CELF2: variants seen among roughly 807,000 people sequenced by gnomAD.
CELF2 encodes the protein CUGBP Elav-like family member 2, also known as CUG triplet repeat RNA-binding protein 2.
Under a neutral mutation model 62.6 loss-of-function variants are expected in CELF2, and 8 were observed. That is an observed-to-expected ratio of 0.13 (90% confidence interval 0.07 to 0.23). The LOEUF is 0.23. Among genes scored for constraint, CELF2 ranks in the 10% least tolerant of loss-of-function variants. The probability of loss-of-function intolerance (pLI) is 1.00; values close to 1 mark genes in which losing one functional copy is unlikely to be tolerated. For missense variants in CELF2, 333 were observed against 671.0 expected, an observed-to-expected ratio of 0.50 and a Z score of 5.56; for synonymous variants, 258 against 250.0, an observed-to-expected ratio of 1.03 and a Z score of -0.30.
chr10:10,846,860 A>G (rs570614484), intron 1 of CELF2, among the ~76,000 whole-genome samples: 241 of 152,316 alleles, frequency 1.6e-3, no homozygotes, highest in African/African-American at 5.4e-3. Context: ...ATACCAATCT[A>G]TTGTACATGC....
intron 1 of CELF2, among the ~76,000 whole-genome samples, chr10:11,107,337 T>C (rs2053781817): frequency 6.6e-6 from 1 of 152,150 alleles, no homozygotes; most frequent in Non-Finnish European, 1.5e-5. Flanking sequence ...AGAACTGGAT[T>C]CCAGATGTGT....
intron 2 of CELF2, among the ~76,000 whole-genome samples, chr10:11,197,053 G>GAAAGAAGGAAAGA (rs2058037209): frequency 1.7e-5 from 1 of 57,168 alleles, no homozygotes; most frequent in African/African-American, 8.3e-5. Flanking sequence ...AAGAAAGAAA[G>GAAAGAAGGAAAGA]AAAGAAAAGA....
At chr10:10,730,196 G>T in the CELF2 span, among the ~76,000 whole-genome samples, 1 of 152,132 alleles carries the variant, frequency 6.6e-6, no homozygotes, top group Non-Finnish European at 1.5e-5. Flanking sequence ...GGATCTTTTG[G>T]CTGGGCACAG....
chr10:10,720,990 A>T, the CELF2 span, among the ~76,000 whole-genome samples: 5 of 152,384 alleles, frequency 3.3e-5, no homozygotes, highest in East Asian at 9.6e-4. Context: ...TCTGCCTAGT[A>T]ACACAGATTA....
At chr10:11,282,744 G>T (rs1406079253) in intron 8 of CELF2, among the ~76,000 whole-genome samples, 1 of 152,200 alleles carries the variant, frequency 6.6e-6, no homozygotes. Flanking sequence ...CAGGTAACAG[G>T]CTGCCAGTAA....
chr10:10,608,466 A>T, the CELF2 span, among the ~76,000 whole-genome samples: 1 of 152,336 alleles, frequency 6.6e-6, no homozygotes, highest in East Asian at 1.9e-4. Context: ...TCAAGATTAG[A>T]TGCTGCAGAT....
At chr10:10,672,458 T>G in the CELF2 span, among the ~76,000 whole-genome samples, 3 of 151,916 alleles carry the variant, frequency 2.0e-5, no homozygotes, top group Admixed American at 2.0e-4. Flanking sequence ...GAGTTTTTTC[T>G]GTGAAGGGTA....
chr10:10,751,845 G>A, the CELF2 span, among the ~76,000 whole-genome samples: 1 of 152,126 alleles, frequency 6.6e-6, no homozygotes, highest in African/African-American at 2.4e-5. Flanking sequence ...TTTTAATTGA[G>A]AAATTAAACA....
chr10:11,319,050 C>A lies in CELF2; in HGVS notation c.1097-2139C>A, dbSNP rs759120119. The A allele has an allele frequency of 1.6e-4, 73 of 470,648 alleles. No homozygotes were observed. Among genetic ancestry groups the A allele is most frequent in the Admixed American group, 4.5e-4 (19 of 42,566 alleles). The allele number at this position is 470,648 out of a possible 1,614,324, so 29.2% of individuals were successfully genotyped here. On this transcript the variant is annotated intron_variant, in intron 10 of 12. Transcript: ENST00000633077. This position sits in a 1 kb window ranked among gnomAD's most constrained non-coding sequence, Gnocchi z 4.4. The stretch of plus-strand genomic sequence containing the variant: ...GGCAGCAAGGCCCCACATGGCTCTG[C>A]AGGCTGCGAGGCACACCCAGAACCT...
chr10:10,864,630 CTCT>C (rs2060244061), intron 1 of CELF2, among the ~76,000 whole-genome samples: 2 of 152,180 alleles, frequency 1.3e-5, no homozygotes, highest in South Asian at 4.1e-4. Context: ...GCTCAGGTCT[CTCT>C]TCTTATAAGG....
chr10:10,759,635 C>G, the CELF2 span, among the ~76,000 whole-genome samples: 20 of 152,136 alleles, frequency 1.3e-4, no homozygotes, highest in African/African-American at 4.6e-4. Context: ...AATCAGCCAA[C>G]CATGGCTCAC....
At chr10:11,292,395 A>G (rs539883121) in intron 9 of CELF2, among the ~76,000 whole-genome samples, 91 of 152,342 alleles carry the variant, frequency 6.0e-4, no homozygotes, top group African/African-American at 2.1e-3. Context: ...GGAAATGAGA[A>G]TTCACCCTTG....
At chr10:11,149,473 G>A (rs1050014017) in intron 1 of CELF2, among the ~76,000 whole-genome samples, 5 of 152,184 alleles carry the variant, frequency 3.3e-5, no homozygotes, top group Admixed American at 6.5e-5. Context: ...TGTCATCTAG[G>A]TGAAAATTCC....
chr10:10,734,014 T>C, the CELF2 span, among the ~76,000 whole-genome samples: 2 of 152,144 alleles, frequency 1.3e-5, no homozygotes, highest in African/African-American at 4.8e-5. Context: ...AAAACCTCAA[T>C]AATCCTTAAA....
chr10:11,183,142 C>T (rs763436550), intron 2 of CELF2, among the ~76,000 whole-genome samples: 24 of 152,156 alleles, frequency 1.6e-4, no homozygotes, highest in Non-Finnish European at 3.2e-4. Context: ...TCCTGGCTGC[C>T]CCATGCCTCA....
chr10:11,168,687 C>G (rs752409489), intron 2 of CELF2, among the ~76,000 whole-genome samples: 1 of 152,120 alleles, frequency 6.6e-6, no homozygotes, highest in Non-Finnish European at 1.5e-5. Flanking sequence ...TGGTCCCAGG[C>G]AAAGAGACAG....
chr10:10,985,952 A>G lies in CELF2; in HGVS notation c.89+65953A>G, dbSNP rs575957978. Among the ~76,000 whole-genome samples the G allele has an allele frequency of 1.5e-3, 234 of 152,342 alleles. 1 individual carries two copies. The highest frequency in any genetic ancestry group is 2.6e-3 in the Non-Finnish European group (180 of 68,032). On this transcript the variant is annotated intron_variant, in intron 2 of 13. Transcript: ENST00000636488. The stretch of plus-strand genomic sequence containing the variant: ...AAAGCTGGACTCTTTTCTCATCCCT[A>G]GGAAATTTGAAGACCTACTGTATAG...
chr10:10,883,554 T>C (rs550503641), intron 1 of CELF2, among the ~76,000 whole-genome samples: 1 of 152,208 alleles, frequency 6.6e-6, no homozygotes, highest in East Asian at 1.9e-4. Context: ...GGAATGGCAT[T>C]TTTAGGCTCT....
chr10:11,139,892 T>A (rs1424611509), intron 1 of CELF2, among the ~76,000 whole-genome samples: 1 of 151,516 alleles, frequency 6.6e-6, no homozygotes, highest in Non-Finnish European at 1.5e-5. Context: ...TCAACAAACC[T>A]CTCAATTCTG....
Sources: allele counts gnomAD v4.1 joint callset (sites outside exome capture counted in the v4.1 genomes callset), GRCh38; gene constraint gnomAD v4.1.1; non-coding constraint Gnocchi (gnomAD v3.1); transcripts MANE v1.5; gene names NCBI Gene and HGNC (gene_info 2026-07-23, HGNC 2026-07-21).